Variants in COG5 observed in about 807,000 individuals in gnomAD.
COG5 encodes the protein component of oligomeric golgi complex 5.
In COG5, 86 loss-of-function variants were observed where a neutral mutation model predicts 110.4. That is an observed-to-expected ratio of 0.78 (90% confidence interval 0.65 to 0.93). COG5 has a LOEUF of 0.93. Ranked by LOEUF, COG5 falls within the 40% of genes least tolerant of loss-of-function variation. The pLI, the probability that COG5 is intolerant of heterozygous loss-of-function variation, is 0.00. For missense variants in COG5, 1,077 were observed against 987.0 expected, an observed-to-expected ratio of 1.09 and a Z score of -1.22; for synonymous variants, 360 against 334.6, an observed-to-expected ratio of 1.08 and a Z score of -0.83.
chr7:107,412,445 T>C (rs1290781410), intron 7 of COG5, 57 bp downstream of exon 7: 11 of 1,546,416 alleles, frequency 7.1e-6, no homozygotes, highest in Non-Finnish European at 9.8e-6. Context: ...CAAAGTCAAA[T>C]GTTCACCTGT....
intron 19 of COG5, among the ~76,000 whole-genome samples, chr7:107,216,000 C>A (rs911111404): frequency 6.6e-6 from 1 of 152,006 alleles, no homozygotes; most frequent in Non-Finnish European, 1.5e-5. Flanking sequence ...TGAGCCACTG[C>A]GCCTGGCCCG....
rs114139715 is a variant in COG5, at chr7:107,307,247, C to T, written c.1109-8901G>A. ...CAACAACAGTGGGCGTTTTTCTGATCTCTCATTTGATTTCTGTTGATCACT... is the reference window on the plus strand; with the variant it reads ...CAACAACAGTGGGCGTTTTTCTGATTTCTCATTTGATTTCTGTTGATCACT... On this transcript the variant is annotated intron_variant, in intron 11 of 21. Transcript: ENST00000297135. Among the ~76,000 whole-genome samples, 434 of 152,270 alleles carry T rather than the reference C, an allele frequency of 2.9e-3. 3 individuals are homozygous for T. Among genetic ancestry groups the T allele is most frequent in the African/African-American group, 9.8e-3 (409 of 41,552 alleles).
chr7:107,329,093 C>A (rs536120042), intron 10 of COG5, among the ~76,000 whole-genome samples: 1 of 152,304 alleles, frequency 6.6e-6, no homozygotes, highest in East Asian at 1.9e-4. Context: ...TGTCCATAAT[C>A]CCATTGGCCA....
intron 6 of COG5, among the ~76,000 whole-genome samples, chr7:107,521,345 G>A (rs921734502): frequency 3.9e-5 from 6 of 152,150 alleles, no homozygotes; most frequent in Non-Finnish European, 7.3e-5. Flanking sequence ...ACTATCATCA[G>A]ACTGAACAGG....
intron 10 of COG5, among the ~76,000 whole-genome samples, chr7:107,357,796 A>G (rs937248101): frequency 2.0e-5 from 3 of 152,250 alleles, no homozygotes; most frequent in South Asian, 2.1e-4. Flanking sequence ...AGACTCCTGA[A>G]TATCTGGAAC....
intron 17 of COG5, among the ~76,000 whole-genome samples, chr7:107,243,194 T>A (rs1397127438): frequency 6.6e-6 from 1 of 151,970 alleles, no homozygotes; most frequent in African/African-American, 2.4e-5. Context: ...ACACCCAGAT[T>A]CCTAAAGCAA....
rs59992824 is a variant in COG5 at position 107,385,988 on chromosome 7, TTGTGTGTGTG to T, written c.670-13238_670-13229del. Among the ~76,000 whole-genome samples the T allele has an allele frequency of 1.5e-3, 222 of 144,830 alleles. 2 individuals carry two copies. The highest frequency in any genetic ancestry group is 5.4e-3 in the African/African-American group (210 of 39,024). ...CTTTTGCCCAGCTTTAAACCAGGTT[TTGTGTGTGTG>T]TGTGTGTGTGTGTGTGTGTGTGTGT... On this transcript the variant is annotated intron_variant, in intron 7 of 21. Transcript: ENST00000297135.
chr7:107,561,232 T>G (rs1803748736), intron 1 of COG5, among the ~76,000 whole-genome samples: 1 of 152,144 alleles, frequency 6.6e-6, no homozygotes, highest in African/African-American at 2.4e-5. Flanking sequence ...CAGAAACACC[T>G]CACCAATTTT....
rs1796867721 is a variant in COG5 at position 107,474,777 on chromosome 7, T to C, written c.538+52460A>G. ...ACACCAAAATACTTCAGGCTCTTAATATTCGAATAGGCACAAGATTTTCAA... is the reference window on the plus strand; with the variant it reads ...ACACCAAAATACTTCAGGCTCTTAACATTCGAATAGGCACAAGATTTTCAA... On this transcript the variant is annotated intron_variant, in intron 6 of 21. Coordinates refer to ENST00000297135, the MANE Select transcript of COG5 (RefSeq NM_006348.5). The surrounding 1 kb of genome is among the most constrained non-coding windows in gnomAD (Gnocchi z 5.7). The C allele has an allele frequency of 6.2e-7, 1 of 1,611,540 alleles. No homozygotes were observed. Among genetic ancestry groups the C allele is most frequent in the Admixed American group, 1.7e-5 (1 of 59,522 alleles).
chr7:107,363,343 A>C (rs1032115591), intron 8 of COG5, among the ~76,000 whole-genome samples: 11 of 152,262 alleles, frequency 7.2e-5, no homozygotes, highest in African/African-American at 2.7e-4. Context: ...TGAGCAATAA[A>C]GTATTTGAAG....
chr7:107,277,696 T>C (rs1804806380), intron 14 of COG5, among the ~76,000 whole-genome samples: 1 of 152,214 alleles, frequency 6.6e-6, no homozygotes, highest in Non-Finnish European at 1.5e-5. Context: ...CAATTCCTGA[T>C]TCACTATAAA....
chr7:107,560,921 T>C (rs1009465269), intron 1 of COG5, among the ~76,000 whole-genome samples: 2 of 145,588 alleles, frequency 1.4e-5, no homozygotes, highest in East Asian at 4.0e-4. Context: ...CCAGATGATT[T>C]AGGAAAAAAA....
intron 10 of COG5, among the ~76,000 whole-genome samples, chr7:107,359,105 C>G (rs537127474): frequency 6.6e-6 from 1 of 152,314 alleles, no homozygotes; most frequent in South Asian, 2.1e-4. Flanking sequence ...GCCCTCATGG[C>G]TACAGCTGCA....
chr7:107,295,085 ATATATATATATATATATTTTTT>A (rs1482512639), intron 12 of COG5, among the ~76,000 whole-genome samples: 1 of 68,384 alleles, frequency 1.5e-5, no homozygotes, highest in Non-Finnish European at 2.7e-5. Context: ...ATATATATAT[ATATATATATATATATATTTTTT>A]TTTTTTTTTT....
At position 107,230,642 on chromosome 7, in the gene COG5, T is replaced by C. The variant is rs1304533279; in HGVS notation, c.2141A>G (p.Lys714Arg). ...GAATGATCTCAGCATCCGATAGGAC[T>C]TTCCTAAATCAGATACTCGTCTACA... is the stretch of plus-strand genomic sequence containing the variant. The part of the protein sequence containing the change: ...PFCRRVSDLG[K>R]SYRMLRSFRP... The change falls in exon 19 of 22, where the codon AAG (lysine) becomes AGG (arginine). Residue 714 changes from lysine to arginine, a missense_variant. By Grantham distance (26) the Lys-to-Arg change is conservative. Transcript: ENST00000297135. 1.2e-6 allele frequency: 2 copies of C among 1,613,294 alleles called. No individual in the cohort carries two copies. Among genetic ancestry groups the C allele is most frequent in the Non-Finnish European group, 1.7e-6 (2 of 1,179,392 alleles).
chr7:107,248,403 A>G lies in COG5; in HGVS notation c.1846T>C (p.Phe616Leu), dbSNP rs1318167826. 1 of 1,604,040 alleles carries G rather than the reference A, an allele frequency of 6.2e-7. No individual in the cohort carries two copies. Among genetic ancestry groups the G allele is most frequent in the Non-Finnish European group, 8.5e-7 (1 of 1,171,148 alleles). The part of the protein sequence containing the change: ...AIIITMHQED[F>L]SGSLSSSGKP... The stretch of plus-strand genomic sequence containing the variant: ...TTGGTTAGAAGTAATTACCCAGAAA[A>G]GTCTTCTTGATGCATGGTGATGATT... Residue 616 changes from phenylalanine (F) to leucine (L), a missense_variant, in exon 17 of 22, where the codon TTT (phenylalanine) becomes CTT (leucine). By Grantham distance (22) the Phe-to-Leu change is conservative (BLOSUM62 0). Coordinates refer to ENST00000297135, the MANE Select transcript of COG5 (RefSeq NM_006348.5).
intron 6 of COG5, chr7:107,473,155 C>T (rs946629172): frequency 6.6e-6 from 1 of 151,776 alleles, no homozygotes; most frequent in African/African-American, 2.4e-5. Context: ...TCATCTTTTA[C>T]TTTAAAAACT....
At chr7:107,539,379 T>C (rs1481811380) in intron 5 of COG5, among the ~76,000 whole-genome samples, 1 of 152,202 alleles carries the variant, frequency 6.6e-6, no homozygotes, top group Non-Finnish European at 1.5e-5. Context: ...AAATAAGAAC[T>C]TACTGTACTG....
chr7:107,215,095 A>G (rs1202935646), intron 19 of COG5, among the ~76,000 whole-genome samples: 3 of 152,262 alleles, frequency 2.0e-5, no homozygotes, highest in East Asian at 3.9e-4. Flanking sequence ...ATACCCTGTT[A>G]TGAGTATATG....
Sources: allele counts gnomAD v4.1 joint callset (sites outside exome capture counted in the v4.1 genomes callset), GRCh38; gene constraint gnomAD v4.1.1; non-coding constraint Gnocchi (gnomAD v3.1); transcripts MANE v1.5; gene names NCBI Gene and HGNC (gene_info 2026-07-23, HGNC 2026-07-21).